Variants in THADA observed in about 807,000 individuals in gnomAD.
THADA encodes THADA armadillo repeat containing.
In THADA, 213 loss-of-function variants were observed where a neutral mutation model predicts 219.8. The observed-to-expected ratio is 0.97, with a 90% confidence interval of 0.87 to 1.09. The LOEUF (loss-of-function observed/expected upper bound fraction) is 1.09. THADA is among the 50% of genes least tolerant of loss of function. The pLI is 0.00. For missense variants in THADA, 2,956 were observed against 2,311.3 expected (o/e 1.28, Z -5.72); for synonymous variants, 1,018 against 828.9 (o/e 1.23, Z -3.92).
intron 28 of THADA, among the ~76,000 whole-genome samples, chr2:43,410,805 TG>T (rs1676193683): frequency 6.6e-6 from 1 of 152,228 alleles, no homozygotes; most frequent in Non-Finnish European, 1.5e-5. Context: ...GATGGTTTTA[TG>T]GGTATATAAA....
intron 26 of THADA, among the ~76,000 whole-genome samples, chr2:43,453,990 T>C (rs1682678057): frequency 6.6e-6 from 1 of 152,164 alleles, no homozygotes; most frequent in African/African-American, 2.4e-5. Flanking sequence ...GTGATCCTTC[T>C]GGCTCAACCT....
At chr2:43,504,769 A>G (rs6737882) in intron 24 of THADA, among the ~76,000 whole-genome samples, 21,101 of 152,216 alleles carry the variant, frequency 0.14, 1,938 homozygotes, top group African/African-American at 0.26. Context: ...CTGTAATTCC[A>G]GCTACTGAGG....
chr2:43,363,985 G>A (rs1669818207), intron 29 of THADA, among the ~76,000 whole-genome samples: 1 of 152,146 alleles, frequency 6.6e-6, no homozygotes, highest in Non-Finnish European at 1.5e-5. Context: ...ACTTTGGGAG[G>A]CCAAGGCGGG....
intron 28 of THADA, among the ~76,000 whole-genome samples, chr2:43,409,876 G>C (rs575040658): frequency 6.6e-6 from 1 of 152,130 alleles, no homozygotes; most frequent in South Asian, 2.1e-4. Context: ...AAATAGCCAG[G>C]CATGGTGGCA....
At chr2:43,410,781 A>G (rs1388022453) in intron 28 of THADA, among the ~76,000 whole-genome samples, 1 of 152,196 alleles carries the variant, frequency 6.6e-6, no homozygotes, top group Non-Finnish European at 1.5e-5. Flanking sequence ...TATGTTCCTT[A>G]CCATGACAGT....
chr2:43,586,281 T>A, intron 7 of THADA, 120 bp downstream of exon 7: 1 of 839,734 alleles, frequency 1.2e-6, no homozygotes, highest in Non-Finnish European at 1.8e-6. Context: ...AATATAAAAG[T>A]GATAATATTA....
At chr2:43,414,579 C>T (rs1428934083) in intron 28 of THADA, among the ~76,000 whole-genome samples, 2 of 152,188 alleles carry the variant, frequency 1.3e-5, no homozygotes, top group Non-Finnish European at 2.9e-5. Flanking sequence ...TTAAACCTTT[C>T]AGAAAATAAG....
intron 29 of THADA, among the ~76,000 whole-genome samples, chr2:43,369,633 C>T (rs1416107535): frequency 6.6e-6 from 1 of 152,176 alleles, no homozygotes; most frequent in Non-Finnish European, 1.5e-5. Context: ...GAGGTCCTAC[C>T]TCAGGCCTTC....
Position 43,510,313 on chromosome 2 carries a change from G to C in THADA, c.3375-1533C>G, listed in dbSNP as rs76316042. On this transcript the variant is annotated intron_variant, in intron 22 of 37. Transcript: ENST00000405975. Reference sequence around the variant, plus strand: ...ACTTTGATCACTATTGAATTTGGATGATGGGTAAAGGTCGCTTATTATTCT... The same window carrying C: ...ACTTTGATCACTATTGAATTTGGATCATGGGTAAAGGTCGCTTATTATTCT... Among the ~76,000 whole-genome samples the C allele has an allele frequency of 3.4e-3, 520 of 152,238 alleles. 5 individuals carry two copies. Among genetic ancestry groups the C allele is most frequent in the African/African-American group, 0.012 (500 of 41,542 alleles).
At chr2:43,272,510 C>T (rs1450549495) in intron 36 of THADA, among the ~76,000 whole-genome samples, 1 of 152,036 alleles carries the variant, frequency 6.6e-6, no homozygotes, top group Non-Finnish European at 1.5e-5. Flanking sequence ...GATTGAATAC[C>T]CTTGATCTGA....
At chr2:43,300,148 T>G (rs1308270853) in intron 31 of THADA, among the ~76,000 whole-genome samples, 1 of 152,100 alleles carries the variant, frequency 6.6e-6, no homozygotes, top group Non-Finnish European at 1.5e-5. Context: ...ATTACTTTTA[T>G]TTATTTTTTT....
At position 43,577,049 on chromosome 2, in the gene THADA, G is replaced by A. The variant is rs1487659092; in HGVS notation, c.1010C>T (p.Ala337Val). The A allele has an allele frequency of 6.2e-7, 1 of 1,613,212 alleles. No homozygotes were observed. The highest frequency in any genetic ancestry group is 8.5e-7 in the Non-Finnish European group (1 of 1,179,642). Residue 337 changes from alanine to valine, a missense_variant, in exon 10 of 38, where the codon GCA becomes GTA. Ala to Val is a moderately conservative substitution (Grantham distance 64, BLOSUM62 0). Transcript: ENST00000405975. ...TGAACTCAAGGTGAACAAAACATGT[G>A]CAGTATCCAAGAGCAGGGCCTCCCC... ...RSGEALLLDTAHVLFTLSSQI... is the reference protein window; with the variant it reads ...RSGEALLLDTVHVLFTLSSQI...
chr2:43,410,734 G>A (rs1676179968), intron 28 of THADA, among the ~76,000 whole-genome samples: 1 of 152,012 alleles, frequency 6.6e-6, no homozygotes, highest in Admixed American at 6.6e-5. Context: ...GGAGGTGGGG[G>A]AGGGGAGGTT....
chr2:43,485,540 C>T (rs1236968174), intron 25 of THADA, among the ~76,000 whole-genome samples: 1 of 152,126 alleles, frequency 6.6e-6, no homozygotes, highest in East Asian at 1.9e-4. Context: ...CACATGCACA[C>T]AACACAGCCT....
intron 21 of THADA, among the ~76,000 whole-genome samples, chr2:43,534,026 T>C (rs528767958): frequency 1.3e-5 from 2 of 152,300 alleles, no homozygotes; most frequent in Admixed American, 6.5e-5. Flanking sequence ...AAGATAAATA[T>C]TTAAAAAGCA....
chr2:43,293,621 A>G (rs1343981466), intron 31 of THADA, among the ~76,000 whole-genome samples: 1 of 152,188 alleles, frequency 6.6e-6, no homozygotes, highest in Admixed American at 6.5e-5. Flanking sequence ...TGAACCCTAC[A>G]GTACCCTGGA....
chr2:43,363,197 C>T lies in THADA; in HGVS notation c.4228-18960G>A, dbSNP rs149290039. On this transcript the variant is annotated intron_variant, in intron 29 of 37. Transcript: ENST00000405975. Reference sequence around the variant, plus strand: ...AACCAGGAACATAGTCATCTGCTGTCATTATCGAGTATTATGTGTTGTATA... The same window carrying T: ...AACCAGGAACATAGTCATCTGCTGTTATTATCGAGTATTATGTGTTGTATA... 8.2e-3 allele frequency among the ~76,000 whole-genome samples: 1,252 copies of T among 152,278 alleles called. 70 individuals are homozygous for T. The highest frequency in any genetic ancestry group is 0.076 in the Admixed American group (1,163 of 15,282).
At chr2:43,310,543 C>T (rs1008745882) in intron 31 of THADA, among the ~76,000 whole-genome samples, 4 of 152,008 alleles carry the variant, frequency 2.6e-5, no homozygotes, top group African/African-American at 9.7e-5. Flanking sequence ...GTCACATATG[C>T]CAAAGGAATG....
chr2:43,477,564 A>G (rs1230030515), intron 26 of THADA, among the ~76,000 whole-genome samples: 1 of 152,226 alleles, frequency 6.6e-6, no homozygotes, highest in Non-Finnish European at 1.5e-5. Flanking sequence ...CACATTCTCC[A>G]TGCCCACCAG....
Sources: gnomAD v4.1 joint callset for allele counts (sites outside exome capture counted in the v4.1 genomes callset) on GRCh38, gnomAD v4.1.1 for gene constraint, MANE v1.5 for transcripts, NCBI Gene and HGNC (gene_info 2026-07-23, HGNC 2026-07-21) for gene names.